Variants in DLGAP1 observed in about 807,000 individuals in gnomAD.
DLGAP1 encodes the protein DLG associated protein 1.
Under a neutral mutation model 90.8 loss-of-function variants are expected in DLGAP1, and 11 were observed. That is an observed-to-expected ratio of 0.12 (90% CI 0.08 to 0.20). The LOEUF is 0.20. Ranked by LOEUF, DLGAP1 falls within the 10% of genes least tolerant of loss-of-function variation. DLGAP1 has a pLI of 1.00. For synonymous variants in DLGAP1, 558 were observed against 540.7 expected (o/e 1.03, Z -0.44); for missense variants, 1,050 against 1,333.8 (o/e 0.79, Z 3.31).
At chr18:4,348,643 G>C (rs1288099394) in intron 1 of DLGAP1, among the ~76,000 whole-genome samples, 1 of 152,044 alleles carries the variant, frequency 6.6e-6, no homozygotes, top group Non-Finnish European at 1.5e-5. Flanking sequence ...GGAATGGGTA[G>C]ATATTAGCGG....
At chr18:3,996,204 T>C (rs2074066922) in intron 3 of DLGAP1, among the ~76,000 whole-genome samples, 1 of 152,176 alleles carries the variant, frequency 6.6e-6, no homozygotes, top group South Asian at 2.1e-4. Context: ...AAAAATATTT[T>C]AAACAAGTCA....
chr18:4,214,963 G>C (rs1007150193), intron 1 of DLGAP1, among the ~76,000 whole-genome samples: 1 of 151,970 alleles, frequency 6.6e-6, no homozygotes, highest in African/African-American at 2.4e-5. Context: ...TAAAAAGAAC[G>C]ACATTTTAGG....
At chr18:3,918,010 C>A (rs998059151) in intron 3 of DLGAP1, among the ~76,000 whole-genome samples, 4 of 152,176 alleles carry the variant, frequency 2.6e-5, no homozygotes, top group Non-Finnish European at 5.9e-5. Context: ...TCATAATCAT[C>A]AGCAGTTGTA....
At chr18:4,096,005 G>A (rs1246454969) in intron 2 of DLGAP1, among the ~76,000 whole-genome samples, 2 of 152,070 alleles carry the variant, frequency 1.3e-5, no homozygotes, top group East Asian at 1.9e-4. Flanking sequence ...TTTACCTTTA[G>A]GCAGAATGTG....
At chr18:4,080,845 T>C (rs2075595636) in intron 2 of DLGAP1, among the ~76,000 whole-genome samples, 1 of 151,976 alleles carries the variant, frequency 6.6e-6, no homozygotes, top group Admixed American at 6.6e-5. Flanking sequence ...GGGGAATTCA[T>C]CACCCTGTTG....
intron 6 of DLGAP1, among the ~76,000 whole-genome samples, chr18:3,741,109 TCAC>T (rs1338999345): frequency 5.9e-4 from 32 of 53,856 alleles, no homozygotes; most frequent in African/African-American, 2.4e-3. Context: ...ACCATCACCA[TCAC>T]CACCACCATC....
intron 5 of DLGAP1, among the ~76,000 whole-genome samples, chr18:3,808,674 A>T (rs1311548556): frequency 6.6e-6 from 1 of 152,174 alleles, no homozygotes; most frequent in African/African-American, 2.4e-5. Flanking sequence ...GCGATGCTCC[A>T]ATCTTCATCC....
intron 1 of DLGAP1, among the ~76,000 whole-genome samples, chr18:4,207,941 T>C (rs2077756457): frequency 6.6e-6 from 1 of 152,238 alleles, no homozygotes; most frequent in African/African-American, 2.4e-5. Context: ...TCCGCATTTT[T>C]TTGAAATAAT....
intron 2 of DLGAP1, among the ~76,000 whole-genome samples, chr18:4,087,028 G>GAGAT (rs1555737154): frequency 3.3e-5 from 4 of 121,938 alleles, no homozygotes; most frequent in African/African-American, 1.2e-4. Context: ...CCTTGTCTGA[G>GAGAT]ATATATATAT....
At chr18:4,406,054 T>C (rs887231965) in intron 1 of DLGAP1, among the ~76,000 whole-genome samples, 3 of 152,296 alleles carry the variant, frequency 2.0e-5, no homozygotes, top group South Asian at 4.1e-4. Flanking sequence ...TTACGCCCTA[T>C]GTAAGTGAAG....
chr18:4,103,806 AAAT>A (rs1347195469), intron 2 of DLGAP1, among the ~76,000 whole-genome samples: 1 of 152,186 alleles, frequency 6.6e-6, no homozygotes, highest in Non-Finnish European at 1.5e-5. Flanking sequence ...TTTCAGAATC[AAAT>A]AATACATTTT....
chr18:4,075,794 T>C (rs977429438), intron 2 of DLGAP1, among the ~76,000 whole-genome samples: 1 of 152,258 alleles, frequency 6.6e-6, no homozygotes, highest in Non-Finnish European at 1.5e-5. Flanking sequence ...TTTCTCGTTA[T>C]AGAGTTGTTC....
At position 3,637,753 on chromosome 18, in the gene DLGAP1, TA is replaced by T. The variant is rs899195096; in HGVS notation, c.1592-55506del. Reference sequence around the variant, plus strand: ...CAAAGTGAGATACTGTCTCAAAAATTAAAAAAAAAATTCTAGTTATTTAAAT... The same window carrying T: ...CAAAGTGAGATACTGTCTCAAAAATTAAAAAAAAATTCTAGTTATTTAAAT... On this transcript the variant is annotated intron_variant, in intron 7 of 12. Transcript: ENST00000315677. Among the ~76,000 whole-genome samples the T allele has an allele frequency of 4.6e-4, 69 of 149,110 alleles. 1 individual carries two copies. Among genetic ancestry groups the T allele is most frequent in the African/African-American group, 9.8e-4 (40 of 40,724 alleles).
intron 8 of DLGAP1, among the ~76,000 whole-genome samples, chr18:3,574,486 C>A (rs1307297134): frequency 2.0e-5 from 3 of 152,090 alleles, no homozygotes; most frequent in South Asian, 4.1e-4. Context: ...TTAATATTTT[C>A]AAATGGTTAG....
intron 1 of DLGAP1, among the ~76,000 whole-genome samples, chr18:4,361,749 A>T (rs983321329): frequency 2.6e-5 from 4 of 152,216 alleles, no homozygotes; most frequent in Non-Finnish European, 4.4e-5. Context: ...ATCAATTTTT[A>T]AAAAACTGTG....
At chr18:3,561,372 G>C (rs369283724) in intron 9 of DLGAP1, among the ~76,000 whole-genome samples, 9 of 142,940 alleles carry the variant, frequency 6.3e-5, no homozygotes, top group East Asian at 6.0e-4. Flanking sequence ...GGAGGTGGAG[G>C]TTGCAGTGAG....
chr18:4,401,688 A>G (rs1005354718), intron 1 of DLGAP1, among the ~76,000 whole-genome samples: 1 of 152,224 alleles, frequency 6.6e-6, no homozygotes, highest in Non-Finnish European at 1.5e-5. Flanking sequence ...TGCAGAAAAT[A>G]TAATGTAATT....
intron 3 of DLGAP1, among the ~76,000 whole-genome samples, chr18:3,922,354 A>G (rs1037110630): frequency 7.2e-5 from 11 of 152,238 alleles, no homozygotes; most frequent in East Asian, 3.8e-4. Flanking sequence ...CACTAGGGAT[A>G]TGAAGTCTTT....
At chr18:3,666,948 T>C (rs1018792992) in intron 7 of DLGAP1, among the ~76,000 whole-genome samples, 1 of 152,036 alleles carries the variant, frequency 6.6e-6, no homozygotes, top group Non-Finnish European at 1.5e-5. Context: ...AATTTTTTTG[T>C]TTTGTTTTAG....
Sources: allele counts gnomAD v4.1 joint callset (sites outside exome capture counted in the v4.1 genomes callset), GRCh38; gene constraint gnomAD v4.1.1; transcripts MANE v1.5; gene names NCBI Gene and HGNC (gene_info 2026-07-23, HGNC 2026-07-21).